Variants in XKR4 observed in about 807,000 individuals in gnomAD.
XKR4 encodes XK related 4.
Under a neutral mutation model 53.9 loss-of-function variants are expected in XKR4, and 12 were observed. That is an observed-to-expected ratio of 0.22 (90% CI 0.14 to 0.36). XKR4 has a LOEUF of 0.36. XKR4 is among the 10% of genes least tolerant of loss of function. XKR4 has a pLI of 1.00. For missense variants in XKR4, 799 were observed against 859.5 expected, an observed-to-expected ratio of 0.93 and a Z score of 0.88; for synonymous variants, 354 against 362.4, an observed-to-expected ratio of 0.98 and a Z score of 0.26.
chr8:55,487,926 A>G (rs868677403), intron 2 of XKR4, among the ~76,000 whole-genome samples: 31 of 152,236 alleles, frequency 2.0e-4, no homozygotes, highest in Middle Eastern at 3.2e-3. Context: ...CACCATCCCA[A>G]ATACAACCAA....
At chr8:55,165,656 T>A (rs1817055084) in intron 1 of XKR4, among the ~76,000 whole-genome samples, 1 of 151,778 alleles carries the variant, frequency 6.6e-6, no homozygotes, top group Admixed American at 6.6e-5. Flanking sequence ...ATACAAAAAA[T>A]TAGCTGGGTG....
At chr8:55,453,212 G>A (rs562598768) in intron 2 of XKR4, 33 of 491,020 alleles carry the variant, frequency 6.7e-5, no homozygotes, top group African/African-American at 2.6e-4. Flanking sequence ...CCTTGGCTCC[G>A]CTTCCAGGAA....
Position 55,533,430 on chromosome 8 carries a change from T to C in XKR4, c.*9203T>C, listed in dbSNP as rs1300532197. 1 of 152,186 alleles carries C rather than the reference T, an allele frequency of 6.6e-6. No homozygotes were observed. Among genetic ancestry groups the C allele is most frequent in the Non-Finnish European group, 1.5e-5 (1 of 68,026 alleles). 9.4% of individuals were successfully genotyped at this position (152,186 alleles called of 1,614,324 possible). A position where few individuals can be genotyped will look rare whatever the true frequency, so the allele number is the denominator to read the frequency against. On this transcript the variant is annotated 3_prime_UTR_variant, in exon 3 of 3. Transcript: ENST00000327381. ...TTCCCTTATTAACCTTTCTAATGCA[T>C]TGTACATAAAAGAGGAAATGGATTT... is the stretch of plus-strand genomic sequence containing the variant.
At chr8:55,477,491 C>A (rs551026003) in intron 2 of XKR4, among the ~76,000 whole-genome samples, 1 of 152,258 alleles carries the variant, frequency 6.6e-6, no homozygotes, top group East Asian at 1.9e-4. Flanking sequence ...CTCTAAAAAG[C>A]AGAGCGCCTC....
intron 2 of XKR4, among the ~76,000 whole-genome samples, chr8:55,460,292 C>T (rs990855547): frequency 3.3e-5 from 5 of 152,154 alleles, no homozygotes; most frequent in Admixed American, 1.3e-4. Context: ...GAATTGACTG[C>T]AAACAGGCAT....
At chr8:55,236,407 C>G (rs748238144) in intron 1 of XKR4, among the ~76,000 whole-genome samples, 10 of 152,162 alleles carry the variant, frequency 6.6e-5, no homozygotes, top group Non-Finnish European at 1.5e-4. Flanking sequence ...ATCGATTCAA[C>G]CTGACTCCAG....
chr8:55,116,301 C>T (rs1298245962), intron 1 of XKR4, among the ~76,000 whole-genome samples: 2 of 152,054 alleles, frequency 1.3e-5, no homozygotes, highest in African/African-American at 2.4e-5. Context: ...AACTGGGACT[C>T]CAGGTGTGAA....
intron 1 of XKR4, among the ~76,000 whole-genome samples, chr8:55,207,001 G>A (rs1318681619): frequency 2.6e-5 from 4 of 152,208 alleles, no homozygotes; most frequent in Non-Finnish European, 5.9e-5. Context: ...GAATCCAGCT[G>A]AGTCCTGTGA....
intron 2 of XKR4, among the ~76,000 whole-genome samples, chr8:55,518,913 A>T (rs2929027): frequency 0.54 from 82,298 of 152,072 alleles, 24,640 homozygotes; most frequent in South Asian, 0.69. Flanking sequence ...AGAGAAAAAA[A>T]TCACACCAAT....
At chr8:55,436,428 A>G (rs1458816663) in intron 2 of XKR4, among the ~76,000 whole-genome samples, 4 of 152,228 alleles carry the variant, frequency 2.6e-5, no homozygotes, top group Admixed American at 2.6e-4. Context: ...TCAGATGCCT[A>G]TATTTACCTC....
rs539875519 is a variant in XKR4, at chr8:55,338,820, T to C, written c.807-18858T>C. ...GGATATTTTGGATTTACATAGACAA[T>C]TTAAAAATGCTCAAGAAAAATCATA... On this transcript the variant is annotated intron_variant, in intron 1 of 2. Transcript: ENST00000327381. 2.2e-4 allele frequency among the ~76,000 whole-genome samples: 34 copies of C among 152,298 alleles called. No homozygotes were observed. In the South Asian group the frequency reaches 5.6e-3, roughly 25 times the overall value.
intron 1 of XKR4, among the ~76,000 whole-genome samples, chr8:55,136,105 G>C (rs993892054): frequency 1.1e-4 from 16 of 152,116 alleles, no homozygotes; most frequent in African/African-American, 3.9e-4. Flanking sequence ...TGTTGGCCAG[G>C]CTGGCCTCAA....
chr8:55,465,165 G>A (rs1805738756), intron 2 of XKR4, among the ~76,000 whole-genome samples: 1 of 152,114 alleles, frequency 6.6e-6, no homozygotes, highest in Non-Finnish European at 1.5e-5. Flanking sequence ...CCAAAAAGAA[G>A]CCTGCATTGC....
chr8:55,366,208 C>G (rs1355697975), intron 2 of XKR4, among the ~76,000 whole-genome samples: 1 of 152,212 alleles, frequency 6.6e-6, no homozygotes, highest in Non-Finnish European at 1.5e-5. Context: ...ACCCACCGGG[C>G]AGCCAGCCAG....
intron 2 of XKR4, among the ~76,000 whole-genome samples, chr8:55,385,476 G>C (rs1804295080): frequency 6.6e-6 from 1 of 152,206 alleles, no homozygotes; most frequent in African/African-American, 2.4e-5. Flanking sequence ...ATATGCTTCT[G>C]AAAGTCAAGC....
intron 2 of XKR4, among the ~76,000 whole-genome samples, chr8:55,495,366 C>T (rs570039158): frequency 1.7e-4 from 26 of 152,242 alleles, no homozygotes; most frequent in East Asian, 5.8e-4. Flanking sequence ...AAGGAGCTCC[C>T]GCCCCACCCA....
chr8:55,432,727 G>C (rs901046091), intron 2 of XKR4, among the ~76,000 whole-genome samples: 13 of 152,180 alleles, frequency 8.5e-5, no homozygotes, highest in Admixed American at 6.5e-4. Context: ...AGGCCTTCTT[G>C]TCTGCCTTCC....
At chr8:55,407,100 C>G (rs545607835) in intron 2 of XKR4, among the ~76,000 whole-genome samples, 1 of 152,248 alleles carries the variant, frequency 6.6e-6, no homozygotes, top group Non-Finnish European at 1.5e-5. Context: ...CATGGCTCAT[C>G]AGAGGTTTCT....
At chr8:55,475,279 G>A (rs1805961417) in intron 2 of XKR4, among the ~76,000 whole-genome samples, 1 of 152,080 alleles carries the variant, frequency 6.6e-6, no homozygotes, top group African/African-American at 2.4e-5. Context: ...ATGGCCCAGG[G>A]TTGTGGGCAG....
Sources: allele counts gnomAD v4.1 joint callset (sites outside exome capture counted in the v4.1 genomes callset), GRCh38; gene constraint gnomAD v4.1.1; transcripts MANE v1.5; gene names NCBI Gene and HGNC (gene_info 2026-07-23, HGNC 2026-07-21).